ARID2: variants seen among roughly 807,000 people sequenced by gnomAD.
ARID2 encodes the protein AT-rich interactive domain-containing protein 2.
Under a neutral mutation model 184.6 loss-of-function variants are expected in ARID2, and 32 were observed. The observed-to-expected ratio is 0.17, with a 90% CI of 0.13 to 0.23. The LOEUF (loss-of-function observed/expected upper bound fraction) is 0.23, where lower values mean the gene tolerates loss of function less well. Among genes scored for constraint, ARID2 ranks in the 10% least tolerant of loss-of-function variants. The probability of loss-of-function intolerance (pLI) is 1.00; values close to 1 mark genes in which losing one functional copy is unlikely to be tolerated. For synonymous variants in ARID2, 836 were observed against 772.6 expected (o/e 1.08, Z -1.36); for missense variants, 1,696 against 2,197.6 (o/e 0.77, Z 4.56).
chr12:45,833,977 G>C (rs1313837440), intron 6 of ARID2, among the ~76,000 whole-genome samples: 1 of 152,126 alleles, frequency 6.6e-6, no homozygotes, highest in Non-Finnish European at 1.5e-5. Flanking sequence ...GCTGTGCTCT[G>C]TTCAGTGTTT....
At chr12:45,734,483 G>A (rs980140929) in intron 3 of ARID2, among the ~76,000 whole-genome samples, 1 of 151,740 alleles carries the variant, frequency 6.6e-6, no homozygotes, top group African/African-American at 2.4e-5. Context: ...ATCTCAATGT[G>A]TTCCACCAAT....
At chr12:45,784,082 G>A (rs1182516693) in intron 3 of ARID2, among the ~76,000 whole-genome samples, 1 of 152,154 alleles carries the variant, frequency 6.6e-6, no homozygotes, top group African/African-American at 2.4e-5. Context: ...CTCAAACTCC[G>A]GAGCTCAATC....
At chr12:45,794,331 T>A (rs1942348403) in intron 3 of ARID2, among the ~76,000 whole-genome samples, 2 of 152,244 alleles carry the variant, frequency 1.3e-5, no homozygotes, top group African/African-American at 4.8e-5. Context: ...CCTCAGCGTA[T>A]GATTTTTTCT....
intron 3 of ARID2, among the ~76,000 whole-genome samples, chr12:45,783,117 GAGTAAGACTCTGTC>G (rs1942128684): frequency 6.6e-6 from 1 of 151,116 alleles, no homozygotes. Flanking sequence ...CTGGATGACA[GAGTAAGACTCTGTC>G]TCCAAAAAAA....
At chr12:45,861,099 A>G in intron 16 of ARID2, 150 bp downstream of exon 16, 1 of 627,580 alleles carries the variant, frequency 1.6e-6, no homozygotes, top group East Asian at 3.3e-5. Context: ...ATGATCCATT[A>G]TGTGGACCTA....
At chr12:45,872,639 G>GA (rs978092605) in intron 16 of ARID2, among the ~76,000 whole-genome samples, 2 of 152,228 alleles carry the variant, frequency 1.3e-5, no homozygotes, top group Admixed American at 1.3e-4. Context: ...GATCTCGTGA[G>GA]AACTCACTCA....
At chr12:45,730,169 T>C (rs1429301154) in intron 2 of ARID2, 32 bp downstream of exon 2, 2 of 1,604,816 alleles carry the variant, frequency 1.2e-6, no homozygotes, top group Non-Finnish European at 1.7e-6. Context: ...TATTTCCCTC[T>C]CGCTGGCCTC....
At chr12:45,784,220 T>C (rs1394762800) in intron 3 of ARID2, among the ~76,000 whole-genome samples, 1 of 152,084 alleles carries the variant, frequency 6.6e-6, no homozygotes, top group Admixed American at 6.6e-5. Context: ...AGGGTCTTGC[T>C]GTGTGGCCCA....
intron 6 of ARID2, among the ~76,000 whole-genome samples, chr12:45,822,616 T>A (rs1942919597): frequency 6.6e-6 from 1 of 152,184 alleles, no homozygotes; most frequent in Non-Finnish European, 1.5e-5. Context: ...TACTTTATTT[T>A]TTATTTTCAT....
rs1943581961 is a variant in ARID2 at position 45,852,842 on chromosome 12, T to C, written c.4719T>C (p.Ala1573=). 6.2e-7 allele frequency: 1 copy of C among 1,612,336 alleles called. No individual in the cohort carries two copies. The highest frequency in any genetic ancestry group is 1.3e-5 in the African/African-American group (1 of 75,018). The change falls in exon 15 of 21, where the codon GCT becomes GCC. Residue 1573 remains alanine, a synonymous_variant. Transcript: ENST00000334344. ...STVAKVAIES[A]VQQKQQHPPT... The stretch of plus-strand genomic sequence containing the variant: ...TAGCTAAAGTAGCAATAGAAAGTGC[T>C]GTTCAGCAAAAGCAACAGCATCCAC...
At chr12:45,746,867 C>T (rs1291766299) in intron 3 of ARID2, among the ~76,000 whole-genome samples, 3 of 152,128 alleles carry the variant, frequency 2.0e-5, no homozygotes, top group Admixed American at 6.5e-5. Flanking sequence ...TCCGGGTTCA[C>T]GCCATTCTCC....
chr12:45,892,486 A>ATG (rs1311029221), intron 18 of ARID2, among the ~76,000 whole-genome samples: 2 of 151,856 alleles, frequency 1.3e-5, no homozygotes, highest in Admixed American at 1.3e-4. Context: ...TATCATATAT[A>ATG]TATATATACA....
At chr12:45,898,875 C>T (rs541151976) in intron 20 of ARID2, among the ~76,000 whole-genome samples, 3 of 152,178 alleles carry the variant, frequency 2.0e-5, no homozygotes, top group Middle Eastern at 6.8e-3. Flanking sequence ...GATCATGCCA[C>T]TGTACTCCAG....
Position 45,814,519 on chromosome 12 carries a change from G to A in ARID2, c.418+2968G>A, listed in dbSNP as rs1228437610. On this transcript the variant is annotated intron_variant, in intron 4 of 20. Transcript: ENST00000334344. ...ACAAAAATTGGCCAGGTGTGGTGTC[G>A]CATGCCTGTAATCCCAGCTACTCAG... Among the ~76,000 whole-genome samples the A allele has an allele frequency of 7.9e-5, 12 of 152,112 alleles. No homozygotes were observed. The South Asian group carries it at 1.0e-3, about 13-fold the overall frequency.
intron 15 of ARID2, among the ~76,000 whole-genome samples, chr12:45,854,156 C>T (rs577053355): frequency 3.2e-4 from 48 of 152,244 alleles, no homozygotes; most frequent in African/African-American, 1.2e-3. Flanking sequence ...GCCTGATGAT[C>T]GGTCACTGTC....
chr12:45,742,425 A>G (rs1941279632), intron 3 of ARID2, among the ~76,000 whole-genome samples: 1 of 152,178 alleles, frequency 6.6e-6, no homozygotes, highest in East Asian at 1.9e-4. Flanking sequence ...TATACCATCT[A>G]GGTTTGTGTA....
chr12:45,855,022 C>A (rs1223985568), intron 15 of ARID2, among the ~76,000 whole-genome samples: 1 of 152,208 alleles, frequency 6.6e-6, no homozygotes, highest in East Asian at 1.9e-4. Flanking sequence ...CTTCTTTCCA[C>A]TGTTCTAGAA....
intron 3 of ARID2, among the ~76,000 whole-genome samples, chr12:45,739,416 A>G (rs1484023414): frequency 7.6e-6 from 1 of 132,048 alleles, no homozygotes; most frequent in African/African-American, 2.9e-5. Context: ...CTACCATATA[A>G]TTGGGATAAA....
intron 6 of ARID2, among the ~76,000 whole-genome samples, chr12:45,821,856 C>T (rs1395585909): frequency 2.0e-5 from 3 of 152,022 alleles, no homozygotes; most frequent in Admixed American, 2.0e-4. Context: ...ATCAAATCCT[C>T]AAAAAGAATA....
Sources: gnomAD v4.1 joint callset for allele counts (sites outside exome capture counted in the v4.1 genomes callset) on GRCh38, gnomAD v4.1.1 for gene constraint, MANE v1.5 for transcripts, NCBI Gene and HGNC (gene_info 2026-07-23, HGNC 2026-07-21) for gene names.